Variants in PSMA8 observed in about 807,000 individuals in gnomAD.
PSMA8 encodes the protein proteasome 20S subunit alpha 8.
Under a neutral mutation model 32.4 loss-of-function variants are expected in PSMA8, and 18 were observed. The observed-to-expected ratio is 0.56, with a 90% CI of 0.38 to 0.82. PSMA8 has a LOEUF of 0.82. Ranked by LOEUF, PSMA8 falls within the 40% of genes least tolerant of loss-of-function variation. The pLI, the probability that PSMA8 is intolerant of heterozygous loss-of-function variation, is 0.00. For synonymous variants in PSMA8, 104 were observed against 98.1 expected (o/e 1.06, Z -0.36); for missense variants, 298 against 300.7 (o/e 0.99, Z 0.07).
At chr18:26,183,542 A>G (rs1361771434) in intron 6 of PSMA8, among the ~76,000 whole-genome samples, 1 of 150,888 alleles carries the variant, frequency 6.6e-6, no homozygotes, top group Non-Finnish European at 1.5e-5. Context: ...AGAGAACTAA[A>G]ATTAGAAGTG....
chr18:26,136,990 A>AT (rs370382754), intron 1 of PSMA8, among the ~76,000 whole-genome samples: 14 of 152,184 alleles, frequency 9.2e-5, no homozygotes, highest in African/African-American at 3.1e-4. Flanking sequence ...ATTTATAATT[A>AT]TTTTTTTCTA....
intron 4 of PSMA8, among the ~76,000 whole-genome samples, chr18:26,173,595 T>C (rs959077520): frequency 6.6e-6 from 1 of 151,964 alleles, no homozygotes; most frequent in Non-Finnish European, 1.5e-5. Flanking sequence ...TTGCTCTTGT[T>C]GCCCGGGCTG....
intron 3 of PSMA8, among the ~76,000 whole-genome samples, chr18:26,153,060 T>G (rs1253674652): frequency 2.0e-5 from 3 of 152,202 alleles, no homozygotes; most frequent in Non-Finnish European, 4.4e-5. Flanking sequence ...ATATGATTTC[T>G]CCTCAATCCA....
At position 26,154,694 on chromosome 18, in the gene PSMA8, G is replaced by T. The variant is rs191041218; in HGVS notation, c.354+2712G>T. 1.4e-3 allele frequency among the ~76,000 whole-genome samples: 207 copies of T among 152,272 alleles called. 8 individuals carry two copies. The East Asian group carries it at 0.027, about 20-fold the overall frequency. On this transcript the variant is annotated intron_variant, in intron 3 of 6. Transcript: ENST00000415576. ...AGTGGTGCAATCTTCTTGGCTCACTGCAACCTCCAACTCCCTCGTTCAAGT... is the reference window on the plus strand; with the variant it reads ...AGTGGTGCAATCTTCTTGGCTCACTTCAACCTCCAACTCCCTCGTTCAAGT...
At chr18:26,185,024 T>C (rs1307089243) in intron 6 of PSMA8, among the ~76,000 whole-genome samples, 1 of 145,070 alleles carries the variant, frequency 6.9e-6, no homozygotes, top group Non-Finnish European at 1.5e-5. Flanking sequence ...GAGACAGAGG[T>C]TACAGTGAGC....
chr18:26,190,519 C>T (rs1428898598), intron 6 of PSMA8, among the ~76,000 whole-genome samples: 2 of 152,188 alleles, frequency 1.3e-5, no homozygotes, highest in African/African-American at 2.4e-5. Flanking sequence ...GAGGCCGAGA[C>T]AGGCAAATCG....
In PSMA8 at chr18:26,191,839, T is replaced by C. The variant is rs187672935; in HGVS notation, c.661-480T>C. Among the ~76,000 whole-genome samples, 94 of 152,218 alleles carry C rather than the reference T, an allele frequency of 6.2e-4. No individual in the cohort carries two copies. The East Asian group carries it at 0.016, about 26-fold the overall frequency. ...ACAGAAAATCAAACTACACTGCAAA[T>C]TCTTAGAAAAATAAAACCTTTTTTG... On this transcript the variant is annotated intron_variant, in intron 6 of 6. Transcript: ENST00000415576.
chr18:26,157,960 A>C (rs1197320116), intron 3 of PSMA8, among the ~76,000 whole-genome samples, 162 bp from the exon 4 acceptor site: 1 of 152,234 alleles, frequency 6.6e-6, no homozygotes, highest in African/African-American at 2.4e-5. Flanking sequence ...TTAAAATTTC[A>C]TCATGAATTG....
intron 4 of PSMA8, among the ~76,000 whole-genome samples, chr18:26,167,080 A>G (rs1381453531): frequency 6.6e-6 from 1 of 152,202 alleles, no homozygotes; most frequent in Non-Finnish European, 1.5e-5. Context: ...CCTATTGACT[A>G]TTAGAAATTA....
chr18:26,151,359 G>C (rs1342740639), intron 2 of PSMA8, among the ~76,000 whole-genome samples: 1 of 152,182 alleles, frequency 6.6e-6, no homozygotes, highest in Admixed American at 6.5e-5. Context: ...TCAGTTTGTT[G>C]CTCTTTTGAT....
intron 1 of PSMA8, among the ~76,000 whole-genome samples, chr18:26,142,454 C>T (rs951706010): frequency 6.6e-6 from 1 of 152,058 alleles, no homozygotes; most frequent in Non-Finnish European, 1.5e-5. Context: ...CTAAACTTTC[C>T]TCTAAAAAAG....
At chr18:26,172,010 C>T (rs2055226014) in intron 4 of PSMA8, among the ~76,000 whole-genome samples, 1 of 152,192 alleles carries the variant, frequency 6.6e-6, no homozygotes, top group African/African-American at 2.4e-5. Context: ...GTTTGCTTCA[C>T]AGCTAAGGAA....
chr18:26,186,270 A>C (rs1369004755), intron 6 of PSMA8, among the ~76,000 whole-genome samples: 7 of 150,236 alleles, frequency 4.7e-5, no homozygotes, highest in Non-Finnish European at 1.0e-4. Flanking sequence ...AAAAAAAAAA[A>C]AAAAAAACGC....
chr18:26,165,255 T>C (rs971159370), intron 4 of PSMA8, among the ~76,000 whole-genome samples: 1 of 152,164 alleles, frequency 6.6e-6, no homozygotes, highest in Non-Finnish European at 1.5e-5. Context: ...TAGTTAAGGA[T>C]GAAATATAAT....
chr18:26,140,502 C>T (rs1598640967), intron 1 of PSMA8, among the ~76,000 whole-genome samples: 1 of 152,212 alleles, frequency 6.6e-6, no homozygotes, highest in South Asian at 2.1e-4. Flanking sequence ...GCTTTGGTCT[C>T]TCACCTGGAT....
At chr18:26,177,935 C>T (rs2055276823) in intron 4 of PSMA8, among the ~76,000 whole-genome samples, 1 of 152,172 alleles carries the variant, frequency 6.6e-6, no homozygotes, top group Non-Finnish European at 1.5e-5. Flanking sequence ...TTTTCTGAGC[C>T]AGTCACAGTG....
intron 4 of PSMA8, among the ~76,000 whole-genome samples, chr18:26,159,858 T>C (rs1451442622): frequency 6.6e-6 from 1 of 152,136 alleles, no homozygotes; most frequent in Non-Finnish European, 1.5e-5. Context: ...TTTTATGTAG[T>C]GCACTTTCTG....
chr18:26,170,772 T>C, intron 4 of PSMA8: 1 of 1,550,212 alleles, frequency 6.5e-7, no homozygotes, highest in Non-Finnish European at 8.6e-7. Context: ...GCCTTTCTCC[T>C]CCTGGACATC....
At chr18:26,155,513 C>T (rs1363026259) in intron 3 of PSMA8, among the ~76,000 whole-genome samples, 1 of 152,196 alleles carries the variant, frequency 6.6e-6, no homozygotes, top group East Asian at 1.9e-4. Context: ...ATACATTCAA[C>T]TGATTTTCAG....
Sources: allele counts gnomAD v4.1 joint callset (sites outside exome capture counted in the v4.1 genomes callset), GRCh38; gene constraint gnomAD v4.1.1; transcripts MANE v1.5; gene names NCBI Gene and HGNC (gene_info 2026-07-23, HGNC 2026-07-21).